The following SPRED1 variants were observed in gnomAD, a reference collection of about 807,000 sequenced individuals.
SPRED1 encodes the protein sprouty-related, EVH1 domain-containing protein 1.
A neutral mutation model predicts 52.3 loss-of-function variants in SPRED1; 18 were observed. The ratio of observed to expected loss-of-function variants is 0.34; its 90% CI spans 0.24 to 0.51. The LOEUF (loss-of-function observed/expected upper bound fraction) is 0.51, where lower values mean the gene tolerates loss of function less well. SPRED1 is among the 20% of genes least tolerant of loss of function. The pLI is 0.97. For synonymous variants in SPRED1, 155 were observed against 179.7 expected, an observed-to-expected ratio of 0.86 and a Z score of 1.10; for missense variants, 485 against 551.0, an observed-to-expected ratio of 0.88 and a Z score of 1.20.
intron 1 of SPRED1, among the ~76,000 whole-genome samples, chr15:38,261,060 G>T (rs1264985485): frequency 2.0e-5 from 3 of 152,194 alleles, no homozygotes; most frequent in African/African-American, 7.2e-5. Context: ...TCTTGAGGAT[G>T]TAAGAATGGA....
At chr15:38,306,488 A>G (rs1895251918) in intron 2 of SPRED1, among the ~76,000 whole-genome samples, 1 of 152,210 alleles carries the variant, frequency 6.6e-6, no homozygotes, top group African/African-American at 2.4e-5. Context: ...AAATGATAAT[A>G]ATAACCAGTC....
At chr15:38,297,311 C>T (rs1445518581) in intron 1 of SPRED1, among the ~76,000 whole-genome samples, 1 of 152,190 alleles carries the variant, frequency 6.6e-6, no homozygotes, top group Non-Finnish European at 1.5e-5. Context: ...GAACATCTTA[C>T]AAGATTCTCT....
In SPRED1 at chr15:38,252,984, T is replaced by A; in HGVS notation, c.-202T>A. On this transcript the variant is annotated 5_prime_UTR_variant, in exon 1 of 7. Coordinates refer to ENST00000299084, the MANE Select transcript of SPRED1 (RefSeq NM_152594.3). ...CTGGGGTCGCCACGGCGGAGGTTGC[T>A]GCCGCCACCCCCCTGCGGGGGTGGC... 1.7e-6 allele frequency: 1 copy of A among 605,246 alleles called. No individual in the cohort carries two copies. 37.5% of individuals were successfully genotyped at this position (605,246 alleles called of 1,614,324 possible). A position where few individuals can be genotyped will look rare whatever the true frequency, so the allele number is the denominator to read the frequency against.
chr15:38,339,979 C>T, intron 5 of SPRED1, 84 bp downstream of exon 5: 1 of 1,529,626 alleles, frequency 6.5e-7, no homozygotes, highest in South Asian at 1.1e-5. Flanking sequence ...TTAAAACCAT[C>T]TGCCCTTTAC....
At chr15:38,334,752 C>G (rs1046769479) in intron 4 of SPRED1, among the ~76,000 whole-genome samples, 1 of 151,742 alleles carries the variant, frequency 6.6e-6, no homozygotes, top group African/African-American at 2.4e-5. Context: ...TATTTTGATT[C>G]TTGTTTTCTT....
intron 5 of SPRED1, among the ~76,000 whole-genome samples, chr15:38,344,391 T>G (rs1394109944): frequency 6.6e-6 from 1 of 152,192 alleles, no homozygotes; most frequent in Non-Finnish European, 1.5e-5. Context: ...TTTAAAGGTC[T>G]TCTTTTGATT....
chr15:38,351,721 G>A lies in SPRED1; in HGVS notation c.*57G>A. On this transcript the variant is annotated 3_prime_UTR_variant, in exon 7 of 7. Coordinates refer to ENST00000299084, the MANE Select transcript of SPRED1 (RefSeq NM_152594.3). ...TTTGTTTCCAGGAATTAGCTAACTT[G>A]GATTTGTGGAAGCTTTTGGCAAGCA... is the stretch of plus-strand genomic sequence containing the variant. The A allele has an allele frequency of 6.3e-7, 1 of 1,591,290 alleles. No individual in the cohort carries two copies. Among genetic ancestry groups the A allele is most frequent in the South Asian group, 1.1e-5 (1 of 90,082 alleles).
At chr15:38,324,938 A>G (rs1253886612) in intron 4 of SPRED1, 129 bp downstream of exon 4, 2 of 821,984 alleles carry the variant, frequency 2.4e-6, no homozygotes, top group Non-Finnish European at 4.0e-6. Flanking sequence ...TCTCCAGAAG[A>G]AAAGAACCAA....
At chr15:38,322,649 C>T (rs1895628638) in intron 3 of SPRED1, among the ~76,000 whole-genome samples, 1 of 152,144 alleles carries the variant, frequency 6.6e-6, no homozygotes, top group South Asian at 2.1e-4. Context: ...AGTCCATCAA[C>T]AGCTGACTTC....
intron 2 of SPRED1, among the ~76,000 whole-genome samples, chr15:38,303,059 C>T (rs1223852724): frequency 1.3e-5 from 2 of 152,132 alleles, no homozygotes; most frequent in South Asian, 2.1e-4. Flanking sequence ...TGGCACGTGC[C>T]TGTAGTCCCA....
At chr15:38,305,355 C>CTTT (rs112141797) in intron 2 of SPRED1, among the ~76,000 whole-genome samples, 2,165 of 136,144 alleles carry the variant, frequency 0.016, 30 homozygotes, top group South Asian at 0.048. Flanking sequence ...AAAAAAAAAA[C>CTTT]TTTTTTTTTT....
chr15:38,313,020 G>A (rs949911623), intron 2 of SPRED1, among the ~76,000 whole-genome samples: 6 of 151,468 alleles, frequency 4.0e-5, no homozygotes, highest in African/African-American at 9.7e-5. Context: ...TCTCCCACAC[G>A]CACACACCCA....
At chr15:38,282,333 A>G (rs1317475881) in intron 1 of SPRED1, among the ~76,000 whole-genome samples, 2 of 49,746 alleles carry the variant, frequency 4.0e-5, no homozygotes, top group East Asian at 7.2e-4. Context: ...ACACACACAC[A>G]CACACACACA....
intron 1 of SPRED1, among the ~76,000 whole-genome samples, chr15:38,287,985 G>A (rs1894843901): frequency 6.6e-6 from 1 of 152,074 alleles, no homozygotes; most frequent in Non-Finnish European, 1.5e-5. Context: ...TTCCTGGAAA[G>A]ACTTGAATCA....
At chr15:38,350,526 A>T (rs938795388) in intron 6 of SPRED1, among the ~76,000 whole-genome samples, 1 of 152,166 alleles carries the variant, frequency 6.6e-6, no homozygotes, top group African/African-American at 2.4e-5. Flanking sequence ...TCCCAAAATC[A>T]TGCCCTTCTC....
chr15:38,275,128 C>G (rs948128219), intron 1 of SPRED1, among the ~76,000 whole-genome samples: 2 of 152,096 alleles, frequency 1.3e-5, no homozygotes, highest in African/African-American at 4.8e-5. Flanking sequence ...TTTTCTACTT[C>G]CGTCATTCCT....
At chr15:38,330,113 T>A (rs574963203) in intron 4 of SPRED1, among the ~76,000 whole-genome samples, 2 of 152,260 alleles carry the variant, frequency 1.3e-5, no homozygotes, top group East Asian at 1.9e-4. Context: ...CAAAAGTAGA[T>A]CTACAGACAG....
In SPRED1 at chr15:38,353,559, T is replaced by C. The variant is rs538871697; in HGVS notation, c.*1895T>C. The C allele has an allele frequency of 7.2e-5, 11 of 152,688 alleles. No individual in the cohort carries two copies. The East Asian group carries it at 2.1e-3, about 29-fold the overall frequency. 9.5% of individuals were successfully genotyped at this position (152,688 alleles called of 1,614,324 possible). A position where few individuals can be genotyped will look rare whatever the true frequency, so the allele number is the denominator to read the frequency against. On this transcript the variant is annotated 3_prime_UTR_variant, in exon 7 of 7. Transcript: ENST00000299084. ...AGGCAGCAGTTTTAAGTCTTATTTT[T>C]ACTGTTTATATATTTGAATGCTGCT...
chr15:38,315,404 G>A (rs957028711), intron 2 of SPRED1, among the ~76,000 whole-genome samples: 2 of 151,818 alleles, frequency 1.3e-5, no homozygotes, highest in Non-Finnish European at 2.9e-5. Flanking sequence ...CAAATTATTA[G>A]TTGTTATTAG....
Sources: gnomAD v4.1 joint callset for allele counts (sites outside exome capture counted in the v4.1 genomes callset) on GRCh38, gnomAD v4.1.1 for gene constraint, MANE v1.5 for transcripts, NCBI Gene and HGNC (gene_info 2026-07-23, HGNC 2026-07-21) for gene names.